Variants in ADAMTSL1 observed in about 807,000 individuals in gnomAD.
ADAMTSL1 encodes ADAMTS-like protein 1.
ADAMTSL1 carries 126 observed loss-of-function variants against 201.8 expected under a neutral mutation model. That is an observed-to-expected ratio of 0.62 (90% confidence interval 0.54 to 0.72). The LOEUF is 0.72. Ranked by LOEUF, ADAMTSL1 falls within the 30% of genes least tolerant of loss-of-function variation. ADAMTSL1 has a pLI of 0.00. For synonymous variants in ADAMTSL1, 1,121 were observed against 903.4 expected (o/e 1.24, Z -4.32); for missense variants, 2,679 against 2,277.8 (o/e 1.18, Z -3.59).
At chr9:18,533,763 G>A (rs185882150) in intron 3 of ADAMTSL1, among the ~76,000 whole-genome samples, 5 of 152,354 alleles carry the variant, frequency 3.3e-5, no homozygotes, top group African/African-American at 1.2e-4. Flanking sequence ...CTGTAGTATA[G>A]TAAGAGGTAT....
chr9:18,683,230 G>GT (rs60751848), intron 12 of ADAMTSL1, among the ~76,000 whole-genome samples: 58,254 of 143,476 alleles, frequency 0.41, 11,960 homozygotes, highest in Non-Finnish European at 0.44. Flanking sequence ...GGTTTTTTTT[G>GT]TTTTTTTTTT....
intron 1 of ADAMTSL1, among the ~76,000 whole-genome samples, chr9:18,483,883 A>T (rs1821856129): frequency 6.6e-6 from 1 of 152,194 alleles, no homozygotes; most frequent in Admixed American, 6.5e-5. Flanking sequence ...TTGGCTTATA[A>T]ATATCAGGGT....
At chr9:17,932,708 G>A (rs1487848011) in intron 1 of ADAMTSL1, among the ~76,000 whole-genome samples, 5 of 152,000 alleles carry the variant, frequency 3.3e-5, no homozygotes, top group Non-Finnish European at 5.9e-5. Flanking sequence ...TTTAGTGCAG[G>A]CTATCCTGGA....
chr9:18,416,312 C>T (rs1265812668), intron 2 of ADAMTSL1, among the ~76,000 whole-genome samples: 1 of 151,722 alleles, frequency 6.6e-6, no homozygotes, highest in Non-Finnish European at 1.5e-5. Context: ...ATACTATAAA[C>T]CCTAAAGCAA....
chr9:18,310,199 A>G (rs1411507438), intron 2 of ADAMTSL1, among the ~76,000 whole-genome samples: 1 of 151,970 alleles, frequency 6.6e-6, no homozygotes, highest in Non-Finnish European at 1.5e-5. Context: ...AGATGGTATA[A>G]ACACTTAAAC....
intron 3 of ADAMTSL1, among the ~76,000 whole-genome samples, chr9:18,555,891 T>C (rs75694318): frequency 0.05 from 7,639 of 151,974 alleles, 282 homozygotes; most frequent in African/African-American, 0.11. Context: ...CACAGAAACT[T>C]TGTGAGGTAT....
At chr9:18,900,694 A>G (rs1171479568) in intron 26 of ADAMTSL1, among the ~76,000 whole-genome samples, 2 of 141,590 alleles carry the variant, frequency 1.4e-5, no homozygotes, top group African/African-American at 5.2e-5. Context: ...AACACCGTAT[A>G]TTTCCACTTA....
At chr9:18,248,722 C>G (rs376754501) in intron 2 of ADAMTSL1, among the ~76,000 whole-genome samples, 1 of 152,160 alleles carries the variant, frequency 6.6e-6, no homozygotes, top group South Asian at 2.1e-4. Context: ...GGGCCATAAC[C>G]CTTTTTTGGT....
chr9:18,683,230 G>GTGTT lies in ADAMTSL1; in HGVS notation c.1489+1272_1489+1273insGTTT, dbSNP rs1554729055. On this transcript the variant is annotated intron_variant, in intron 12 of 28. Transcript: ENST00000380548. ...AGCTTCATTTACTGAGGTTTTTTTTGTTTTTTTTTTTTGAGACGGAGTCTC... is the reference window on the plus strand; with the variant it reads ...AGCTTCATTTACTGAGGTTTTTTTTGTGTTTTTTTTTTTTTTGAGACGGAGTCTC... Among the ~76,000 whole-genome samples, 4 of 143,642 alleles carry GTGTT rather than the reference G, an allele frequency of 2.8e-5. No individual in the cohort carries two copies. The East Asian group carries it at 8.2e-4, about 30-fold the overall frequency. The allele number at this position is 143,642 out of a possible 152,430, so 94.2% of individuals were successfully genotyped here.
chr9:18,058,457 T>C (rs1050060598), intron 1 of ADAMTSL1, among the ~76,000 whole-genome samples: 27 of 152,182 alleles, frequency 1.8e-4, no homozygotes, highest in African/African-American at 6.3e-4. Context: ...AAATATTACA[T>C]CGCATTGACA....
Position 18,624,192 on chromosome 9 carries a change from A to G in ADAMTSL1, c.601+1823A>G, listed in dbSNP as rs58216975. Among the ~76,000 whole-genome samples, 13 of 152,354 alleles carry G rather than the reference A, an allele frequency of 8.5e-5. No individual in the cohort carries two copies. The East Asian group carries it at 2.3e-3, about 27-fold the overall frequency. On this transcript the variant is annotated intron_variant, in intron 5 of 28. Coordinates refer to ENST00000380548, the MANE Select transcript of ADAMTSL1 (RefSeq NM_001040272.6). ...AATGTAATTCTGCAAAAAAAATAAA[A>G]TAAATTTAAAAGATTCTGGCATATA...
intron 4 of ADAMTSL1, among the ~76,000 whole-genome samples, chr9:18,586,175 T>A (rs1823477183): frequency 6.6e-6 from 1 of 152,186 alleles, no homozygotes; most frequent in African/African-American, 2.4e-5. Context: ...AACATGATTC[T>A]CTGTCTAGAA....
chr9:18,674,329 A>G (rs372738002), intron 9 of ADAMTSL1, among the ~76,000 whole-genome samples: 7 of 152,236 alleles, frequency 4.6e-5, no homozygotes, highest in African/African-American at 1.4e-4. Context: ...TTAGTACTCC[A>G]ATGACCTTCC....
chr9:18,448,300 G>A (rs1009136678), intron 2 of ADAMTSL1, among the ~76,000 whole-genome samples: 7 of 152,144 alleles, frequency 4.6e-5, no homozygotes, highest in Non-Finnish European at 8.8e-5. Context: ...GAAGGACACA[G>A]GACACTGGAT....
chr9:18,678,164 C>T (rs1281485241), intron 10 of ADAMTSL1, among the ~76,000 whole-genome samples: 1 of 151,946 alleles, frequency 6.6e-6, no homozygotes, highest in Non-Finnish European at 1.5e-5. Flanking sequence ...TCTTGTGCAT[C>T]CTGCTTAATT....
rs974837049 is a variant in ADAMTSL1, at chr9:18,566,776, C to T, written c.238-7254C>T. On this transcript the variant is annotated intron_variant, in intron 3 of 28. Coordinates refer to ENST00000380548, the MANE Select transcript of ADAMTSL1 (RefSeq NM_001040272.6). The stretch of plus-strand genomic sequence containing the variant: ...AGGCCTGAGGGATGATGGGGGCTCT[C>T]ATAAGACCATTCTGGCCACTGTGCT... Among the ~76,000 whole-genome samples the T allele has an allele frequency of 2.0e-5, 3 of 152,078 alleles. 1 individual carries two copies. In the South Asian group the frequency reaches 6.2e-4, roughly 32 times the overall value.
chr9:18,799,875 C>T (rs898367480), intron 20 of ADAMTSL1, among the ~76,000 whole-genome samples: 1 of 152,122 alleles, frequency 6.6e-6, no homozygotes, highest in Non-Finnish European at 1.5e-5. Context: ...TGTCCCTCCC[C>T]ATCATGATTT....
At chr9:17,907,272 G>A (rs1825754648) in intron 1 of ADAMTSL1, among the ~76,000 whole-genome samples, 1 of 152,110 alleles carries the variant, frequency 6.6e-6, no homozygotes, top group Admixed American at 6.5e-5. Flanking sequence ...CACCCTTTCC[G>A]ACAGTCCTTC....
At chr9:18,415,423 CCATATTAGTAA>C (rs1563945386) in intron 2 of ADAMTSL1, among the ~76,000 whole-genome samples, 1 of 152,002 alleles carries the variant, frequency 6.6e-6, no homozygotes, top group Non-Finnish European at 1.5e-5. Flanking sequence ...ATCCCATGGA[CCATATTAGTAA>C]CAGATTAGCT....
Sources: gnomAD v4.1 joint callset for allele counts (sites outside exome capture counted in the v4.1 genomes callset) on GRCh38, gnomAD v4.1.1 for gene constraint, MANE v1.5 for transcripts, NCBI Gene and HGNC (gene_info 2026-07-23, HGNC 2026-07-21) for gene names.